The following CPNE4 variants were observed in gnomAD, a reference collection of about 807,000 sequenced individuals.
The protein encoded by CPNE4 is copine-4.
Under a neutral mutation model 67.9 loss-of-function variants are expected in CPNE4, and 25 were observed. The observed-to-expected ratio is 0.37, with a 90% CI of 0.27 to 0.51. CPNE4 has a LOEUF of 0.51. CPNE4 is among the 20% of genes least tolerant of loss of function. The pLI, the probability that CPNE4 is intolerant of heterozygous loss-of-function variation, is 0.93. For synonymous variants in CPNE4, 242 were observed against 244.9 expected (o/e 0.99, Z 0.11); for missense variants, 464 against 690.8 (o/e 0.67, Z 3.68).
intron 2 of CPNE4, among the ~76,000 whole-genome samples, chr3:131,839,916 T>G (rs1403199875): frequency 6.6e-6 from 1 of 152,172 alleles, no homozygotes; most frequent in Non-Finnish European, 1.5e-5. Context: ...CTCTATTCTT[T>G]TGCAGTTCAA....
At chr3:131,624,238 C>A (rs1940621694) in intron 7 of CPNE4, among the ~76,000 whole-genome samples, 1 of 152,142 alleles carries the variant, frequency 6.6e-6, no homozygotes, top group Admixed American at 6.5e-5. Context: ...CTGCTCAGAC[C>A]CTGGCTCTCT....
chr3:131,866,129 C>A lies in CPNE4; in HGVS notation c.180+39135G>T, dbSNP rs142898097. On this transcript the variant is annotated intron_variant, in intron 2 of 15. Coordinates refer to ENST00000429747, the MANE Select transcript of CPNE4 (RefSeq NM_130808.3). ...CTGCCGAAGACTAAGGCAACAAATT[C>A]TTCCACATACAGGATCTGGATGGCA... 1.4e-4 allele frequency among the ~76,000 whole-genome samples: 22 copies of A among 152,344 alleles called. No individual in the cohort carries two copies. In the East Asian group the frequency reaches 3.9e-3, roughly 27 times the overall value.
At chr3:132,015,359 C>A (rs9827101) in intron 1 of CPNE4, among the ~76,000 whole-genome samples, 76,267 of 151,948 alleles carry the variant, frequency 0.5, 19,696 homozygotes, top group South Asian at 0.59. Context: ...TACCAGCAGG[C>A]ATATCTTCCC....
chr3:131,643,170 G>A (rs909800525), intron 7 of CPNE4, among the ~76,000 whole-genome samples: 4 of 152,232 alleles, frequency 2.6e-5, no homozygotes, highest in African/African-American at 9.6e-5. Context: ...TGGAATAAAG[G>A]TGATTTCTGC....
chr3:131,930,471 A>G (rs1416850202), intron 1 of CPNE4, among the ~76,000 whole-genome samples: 2 of 152,160 alleles, frequency 1.3e-5, no homozygotes, highest in African/African-American at 4.8e-5. Flanking sequence ...CTGGAAGCCA[A>G]AGGACTCATT....
At chr3:131,895,049 G>C (rs533128514) in intron 2 of CPNE4, among the ~76,000 whole-genome samples, 15 of 152,140 alleles carry the variant, frequency 9.9e-5, no homozygotes, top group Admixed American at 9.2e-4. Context: ...GTGAAATCTT[G>C]TTATTTGCAT....
Position 131,641,331 on chromosome 3 carries a change from C to G in CPNE4, c.681+28344G>C, listed in dbSNP as rs140724780. Among the ~76,000 whole-genome samples, 6 of 151,766 alleles carry G rather than the reference C, an allele frequency of 4.0e-5. No homozygotes were observed. In the East Asian group the frequency reaches 1.2e-3, roughly 29 times the overall value. On this transcript the variant is annotated intron_variant, in intron 7 of 15. Coordinates refer to ENST00000429747, the MANE Select transcript of CPNE4 (RefSeq NM_130808.3). ...AACAAATCAGCAAGAAAAAAAAAAT[C>G]CCATCAAAAAGTAGGCTAAGGACAG...
chr3:131,575,444 G>A (rs1937527814), intron 9 of CPNE4, among the ~76,000 whole-genome samples: 1 of 152,070 alleles, frequency 6.6e-6, no homozygotes, highest in Non-Finnish European at 1.5e-5. Context: ...CTACTGTTTT[G>A]AAATCAATGA....
chr3:131,884,001 T>G (rs2087781103), intron 2 of CPNE4, among the ~76,000 whole-genome samples: 1 of 152,250 alleles, frequency 6.6e-6, no homozygotes, highest in African/African-American at 2.4e-5. Flanking sequence ...GTCATAATTT[T>G]TAAACAAGCC....
intron 3 of CPNE4, among the ~76,000 whole-genome samples, chr3:131,716,544 G>A (rs750231536): frequency 3.9e-5 from 6 of 152,114 alleles, no homozygotes; most frequent in South Asian, 4.1e-4. Context: ...CGCCCAGGAC[G>A]TAGGTGCTCT....
chr3:131,786,352 C>T (rs2083562774), intron 2 of CPNE4, among the ~76,000 whole-genome samples: 1 of 152,122 alleles, frequency 6.6e-6, no homozygotes, highest in Admixed American at 6.5e-5. Context: ...GAGTACTTTT[C>T]ATGTGTGATC....
chr3:131,918,741 G>C (rs1338413430), intron 1 of CPNE4, among the ~76,000 whole-genome samples: 1 of 152,116 alleles, frequency 6.6e-6, no homozygotes, highest in African/African-American at 2.4e-5. Context: ...GGACATTTTA[G>C]AGCCATTACT....
At chr3:131,762,799 G>A (rs867092344) in intron 2 of CPNE4, among the ~76,000 whole-genome samples, 1 of 151,860 alleles carries the variant, frequency 6.6e-6, no homozygotes, top group Middle Eastern at 3.2e-3. Context: ...TTTATAGATA[G>A]CATCATTATT....
chr3:131,754,834 G>T (rs1040798579), intron 2 of CPNE4, among the ~76,000 whole-genome samples: 9 of 152,056 alleles, frequency 5.9e-5, no homozygotes, highest in South Asian at 2.1e-4. Context: ...GAAACACAGA[G>T]GTATTTTGTA....
chr3:131,682,977 A>G (rs2107676085), intron 6 of CPNE4, among the ~76,000 whole-genome samples: 1 of 152,046 alleles, frequency 6.6e-6, no homozygotes, highest in African/African-American at 2.4e-5. Flanking sequence ...GGGCCCAAAT[A>G]TTCACTAGTC....
intron 10 of CPNE4, among the ~76,000 whole-genome samples, chr3:131,566,915 G>T (rs1937085030): frequency 6.6e-6 from 1 of 151,940 alleles, no homozygotes; most frequent in Non-Finnish European, 1.5e-5. Context: ...AGATTACCTT[G>T]ATTCTGCTTT....
intron 1 of CPNE4, among the ~76,000 whole-genome samples, chr3:131,955,820 T>G (rs2071950168): frequency 6.6e-6 from 1 of 152,182 alleles, no homozygotes; most frequent in Non-Finnish European, 1.5e-5. Context: ...CTGTACATCT[T>G]TTCTTGCCTC....
chr3:131,666,202 T>C (rs1370149468), intron 7 of CPNE4, among the ~76,000 whole-genome samples: 1 of 152,176 alleles, frequency 6.6e-6, no homozygotes, highest in African/African-American at 2.4e-5. Context: ...TAATCTTTTC[T>C]GAATATTCCC....
intron 2 of CPNE4, among the ~76,000 whole-genome samples, chr3:131,754,392 T>A (rs183663500): frequency 3.5e-4 from 54 of 152,238 alleles, no homozygotes; most frequent in Non-Finnish European, 2.5e-4. Flanking sequence ...AAGAGATTGC[T>A]CTTTTAAAAG....
Sources: gnomAD v4.1 joint callset for allele counts (sites outside exome capture counted in the v4.1 genomes callset) on GRCh38, gnomAD v4.1.1 for gene constraint, MANE v1.5 for transcripts, NCBI Gene and HGNC (gene_info 2026-07-23, HGNC 2026-07-21) for gene names.